The following CA10 variants were observed in gnomAD, a reference collection of about 807,000 sequenced individuals.
The protein encoded by CA10 is carbonic anhydrase-related protein 10.
A neutral mutation model predicts 44.2 loss-of-function variants in CA10; 14 were observed. The ratio of observed to expected loss-of-function variants is 0.32; its 90% CI spans 0.21 to 0.50. The LOEUF (loss-of-function observed/expected upper bound fraction) is 0.50. Among genes scored for constraint, CA10 ranks in the 20% least tolerant of loss-of-function variants. The pLI is 0.99. For synonymous variants in CA10, 159 were observed against 141.6 expected, an observed-to-expected ratio of 1.12 and a Z score of -0.87; for missense variants, 350 against 409.7, an observed-to-expected ratio of 0.85 and a Z score of 1.26.
intron 2 of CA10, among the ~76,000 whole-genome samples, chr17:51,969,039 C>T (rs146726299): frequency 8.6e-4 from 131 of 151,952 alleles, no homozygotes; most frequent in African/African-American, 3.1e-3. Context: ...TTTTTCTCTC[C>T]ACCGAGCTTT....
At chr17:51,743,148 G>A (rs571015671) in intron 4 of CA10, among the ~76,000 whole-genome samples, 3 of 152,280 alleles carry the variant, frequency 2.0e-5, no homozygotes, top group African/African-American at 7.2e-5. Context: ...ACAATTCTCC[G>A]TGTACCCTTC....
rs2144125527 is a variant in CA10 at position 52,005,206 on chromosome 17, A to G, written c.136+67113T>C. Among the ~76,000 whole-genome samples, 3 of 152,112 alleles carry G rather than the reference A, an allele frequency of 2.0e-5. No individual in the cohort carries two copies. The East Asian group carries it at 5.8e-4, about 30-fold the overall frequency. ...CCCTTTAGGACCTTAATGATTCTACAAATACATTAATAAAATCATTTAAAA... is the reference window on the plus strand; with the variant it reads ...CCCTTTAGGACCTTAATGATTCTACGAATACATTAATAAAATCATTTAAAA... On this transcript the variant is annotated intron_variant, in intron 2 of 8. Transcript: ENST00000451037.
intron 4 of CA10, among the ~76,000 whole-genome samples, chr17:51,734,543 T>C (rs1481940293): frequency 6.6e-6 from 1 of 152,148 alleles, no homozygotes; most frequent in Non-Finnish European, 1.5e-5. Context: ...GCAGGGCAGG[T>C]GATCATCCTA....
At chr17:51,979,235 G>A (rs573406765) in intron 2 of CA10, among the ~76,000 whole-genome samples, 1 of 152,166 alleles carries the variant, frequency 6.6e-6, no homozygotes, top group African/African-American at 2.4e-5. Flanking sequence ...AAATAAGCCT[G>A]TAACAGATAG....
chr17:51,851,147 T>C (rs1450109376), intron 3 of CA10, among the ~76,000 whole-genome samples: 1 of 152,240 alleles, frequency 6.6e-6, no homozygotes, highest in East Asian at 1.9e-4. Context: ...CTGTCACTTA[T>C]TAGCTATGTG....
intron 4 of CA10, among the ~76,000 whole-genome samples, chr17:51,734,553 A>G (rs1275231072): frequency 6.6e-6 from 1 of 152,160 alleles, no homozygotes; most frequent in Non-Finnish European, 1.5e-5. Context: ...TGATCATCCT[A>G]TTTAGACAGC....
intron 2 of CA10, among the ~76,000 whole-genome samples, chr17:51,988,900 T>G (rs1269818712): frequency 6.6e-6 from 1 of 152,082 alleles, no homozygotes; most frequent in South Asian, 2.1e-4. Flanking sequence ...TATAAAAATA[T>G]TAATGAGCTA....
intron 1 of CA10, among the ~76,000 whole-genome samples, chr17:52,146,030 A>C (rs1206702084): frequency 2.0e-5 from 3 of 152,234 alleles, no homozygotes; most frequent in Admixed American, 6.5e-5. Context: ...TGAATAAACT[A>C]CTATGGAAAT....
intron 3 of CA10, among the ~76,000 whole-genome samples, chr17:51,850,509 A>G (rs1429339502): frequency 1.3e-5 from 2 of 152,156 alleles, no homozygotes; most frequent in Non-Finnish European, 2.9e-5. Flanking sequence ...GGTCTCTGTA[A>G]TAGGTGAGGT....
chr17:51,780,444 C>T (rs1466627158), intron 3 of CA10, among the ~76,000 whole-genome samples: 2 of 152,188 alleles, frequency 1.3e-5, no homozygotes, highest in African/African-American at 2.4e-5. Flanking sequence ...GGCCACCACA[C>T]TGTTTCTGAG....
intron 3 of CA10, among the ~76,000 whole-genome samples, chr17:51,817,596 C>G (rs1472827470): frequency 1.3e-5 from 2 of 152,188 alleles, no homozygotes; most frequent in African/African-American, 4.8e-5. Context: ...AAAGCCAGAA[C>G]CTGTAGCCCC....
At chr17:51,704,568 T>C (rs1457868447) in intron 4 of CA10, among the ~76,000 whole-genome samples, 2 of 152,232 alleles carry the variant, frequency 1.3e-5, no homozygotes, top group Non-Finnish European at 2.9e-5. Flanking sequence ...GAGATCATCA[T>C]GTGAGTGCAG....
At chr17:51,738,900 G>T (rs1904349597) in intron 4 of CA10, among the ~76,000 whole-genome samples, 2 of 152,212 alleles carry the variant, frequency 1.3e-5, no homozygotes, top group Admixed American at 1.3e-4. Flanking sequence ...CTTGGGTTCT[G>T]GTCCTAATTC....
chr17:51,670,167 G>A (rs1914363007), intron 4 of CA10, among the ~76,000 whole-genome samples: 1 of 152,130 alleles, frequency 6.6e-6, no homozygotes, highest in African/African-American at 2.4e-5. Context: ...AAATTACCCA[G>A]TCTCAGCAGC....
chr17:52,056,994 C>T (rs1002744339), intron 2 of CA10, among the ~76,000 whole-genome samples: 5 of 152,064 alleles, frequency 3.3e-5, no homozygotes, highest in African/African-American at 9.7e-5. Context: ...ACGACTTGGC[C>T]TACAGTAGCT....
intron 2 of CA10, among the ~76,000 whole-genome samples, chr17:52,034,255 G>A (rs568999113): frequency 3.9e-5 from 6 of 152,164 alleles, no homozygotes; most frequent in African/African-American, 1.4e-4. Flanking sequence ...GGAGGTGATA[G>A]GTTTATGGCA....
At chr17:51,726,880 A>T (rs1916543059) in intron 4 of CA10, among the ~76,000 whole-genome samples, 1 of 152,344 alleles carries the variant, frequency 6.6e-6, no homozygotes, top group African/African-American at 2.4e-5. Context: ...GGGGAAATGA[A>T]CTTTAATGAA....
intron 1 of CA10, among the ~76,000 whole-genome samples, chr17:52,092,345 C>T (rs1285390138): frequency 6.6e-6 from 1 of 152,142 alleles, no homozygotes; most frequent in Non-Finnish European, 1.5e-5. Context: ...GGAGGAAAAA[C>T]GTTTTTAAGA....
At chr17:51,831,463 G>C (rs1256212213) in intron 3 of CA10, among the ~76,000 whole-genome samples, 1 of 152,150 alleles carries the variant, frequency 6.6e-6, no homozygotes, top group Non-Finnish European at 1.5e-5. Context: ...CAAAGTATCA[G>C]TAAGGATTCA....
Sources: allele counts gnomAD v4.1 joint callset (sites outside exome capture counted in the v4.1 genomes callset), GRCh38; gene constraint gnomAD v4.1.1; transcripts MANE v1.5; gene names NCBI Gene and HGNC (gene_info 2026-07-23, HGNC 2026-07-21).